The following FLII variants were observed in gnomAD, a reference collection of about 807,000 sequenced individuals.
FLII encodes FLII actin remodeling protein, also known as protein flightless-1 homolog.
In FLII, 101 loss-of-function variants were observed where a neutral mutation model predicts 156.2. The ratio of observed to expected loss-of-function variants is 0.65; its 90% CI spans 0.55 to 0.76. The LOEUF is 0.76. Among genes scored for constraint, FLII ranks in the 30% least tolerant of loss-of-function variants. The pLI is 0.00. For missense variants in FLII, 1,675 were observed against 1,682.8 expected (o/e 1.00, Z 0.08); for synonymous variants, 767 against 685.8 (o/e 1.12, Z -1.85).
chr17:18,252,885 G>A (rs1184154872), intron 9 of FLII, among the ~76,000 whole-genome samples: 1 of 152,240 alleles, frequency 6.6e-6, no homozygotes, highest in Non-Finnish European at 1.5e-5. Flanking sequence ...ACTGGGCCGG[G>A]CGTGGTGGCT....
At position 18,248,592 on chromosome 17, in the gene FLII, G is replaced by C; in HGVS notation, c.2148C>G (p.His716Gln). 1.2e-6 allele frequency: 2 copies of C among 1,613,334 alleles called. No homozygotes were observed. Among genetic ancestry groups the C allele is most frequent in the Non-Finnish European group, 1.7e-6 (2 of 1,179,856 alleles). ...GCGGCGGCCAGAAGTCTTCAGGCAC[G>C]TGCTTCTTGATCTCAGAGGGCTCCC... is the stretch of plus-strand genomic sequence containing the variant. ...LGGEPSEIKK[H>Q]VPEDFWPPQP... Residue 716 changes from histidine to glutamine, a missense_variant, in exon 18 of 30, where the codon CAC becomes CAG. Coordinates refer to ENST00000327031, the MANE Select transcript of FLII (RefSeq NM_002018.4).
chr17:18,245,584 C>T lies in FLII; in HGVS notation c.3580G>A (p.Asp1194Asn). 6.2e-7 allele frequency: 1 copy of T among 1,613,952 alleles called. No homozygotes were observed. The highest frequency in any genetic ancestry group is 8.5e-7 in the Non-Finnish European group (1 of 1,180,024). The change falls in exon 28 of 30, where the codon GAC becomes AAC. Residue 1194 changes from aspartate (D) to asparagine (N), a missense_variant. Around this residue, in one of 2 missense-constraint regions of FLII, gnomAD observed 1,332 missense variants for 1,269.3 expected, o/e 1.05. Coordinates refer to ENST00000327031, the MANE Select transcript of FLII (RefSeq NM_002018.4). ...DFCQDDLADD[D>N]IMLLDNGQEV... ...TGGCCATTGTCTAGCAACATGATGT[C>T]ATCATCTGCCAGGTCATCTTGGCAA...
intron 9 of FLII, 93 bp from the exon 10 acceptor site, chr17:18,252,649 A>G (rs2048305552): frequency 1.0e-6 from 1 of 976,074 alleles, no homozygotes; most frequent in East Asian, 2.4e-5. Flanking sequence ...GGAGGCAGGT[A>G]GGGTCAGAGG....
rs951826406 is a variant in FLII, at chr17:18,246,927, G to A, written c.2802C>T (p.Tyr934=). The change falls in exon 22 of 30, where the codon TAC becomes TAT. Residue 934 remains tyrosine, a synonymous_variant. Transcript: ENST00000327031. The part of the protein sequence containing the change: ...EFGHFYTQDC[Y]VFLCRYWVPV... Reference sequence around the variant, plus strand: ...TGAGGTGGTACCTGCAGAGGAAGACGTAGCAGTCCTGCGTGTAGAAGTGGC... The same window carrying A: ...TGAGGTGGTACCTGCAGAGGAAGACATAGCAGTCCTGCGTGTAGAAGTGGC... 8.7e-6 allele frequency: 14 copies of A among 1,614,058 alleles called. No individual in the cohort carries two copies. Among genetic ancestry groups the A allele is most frequent in the Non-Finnish European group, 1.2e-5 (14 of 1,180,034 alleles).
rs1597929704 is a variant in FLII, at chr17:18,258,608, A to C, written c.63+20T>G. On this transcript the variant is annotated intron_variant, in intron 1 of 29. Transcript: ENST00000327031. The surrounding 1 kb of genome is among the most constrained non-coding windows in gnomAD (Gnocchi z 4.2). Reference sequence around the variant, plus strand: ...GAGAAGGCCTGCAGGGAGGCCCGGCACGCGCCCGGCCCGGCTCACCTTGAA... The same window carrying C: ...GAGAAGGCCTGCAGGGAGGCCCGGCCCGCGCCCGGCCCGGCTCACCTTGAA... 6.5e-7 allele frequency: 1 copy of C among 1,550,138 alleles called. No individual in the cohort carries two copies. The highest frequency in any genetic ancestry group is 1.8e-5 in the Admixed American group (1 of 55,046).
At chr17:18,257,529 T>C (rs1320924557) in intron 1 of FLII, among the ~76,000 whole-genome samples, 1 of 152,166 alleles carries the variant, frequency 6.6e-6, no homozygotes, top group Non-Finnish European at 1.5e-5. Context: ...ACTCCCCTGG[T>C]GTGTGAACGC....
intron 7 of FLII, 65 bp from the exon 8 acceptor site, chr17:18,253,784 A>G: frequency 6.9e-7 from 1 of 1,450,412 alleles, no homozygotes; most frequent in South Asian, 1.3e-5. Context: ...AGCCAGCCCT[A>G]GTGTGAACCC....
chr17:18,245,825 T>G lies in FLII; in HGVS notation c.3422A>C (p.Glu1141Ala). 6.2e-7 allele frequency: 1 copy of G among 1,613,944 alleles called. No individual in the cohort carries two copies. Among genetic ancestry groups the G allele is most frequent in the Non-Finnish European group, 8.5e-7 (1 of 1,179,974 alleles). The change falls in exon 27 of 30, where the codon GAG becomes GCG. Residue 1141 changes from glutamate to alanine, a missense_variant. Physicochemically the swap from Glu to Ala is moderately radical, Grantham distance 107. Transcript: ENST00000327031. ...CCCAATGCCCACCCAGAAGAAGTTC[T>G]CAGGCTCCTCACCTTCGTTGATAAC... Reference protein sequence around the residue: ...KQVINEGEEPENFFWVGIGAQ... With the variant: ...KQVINEGEEPANFFWVGIGAQ...
In FLII at chr17:18,258,525, C is replaced by T; in HGVS notation, c.63+103G>A. 1 of 1,511,248 alleles carries T rather than the reference C, an allele frequency of 6.6e-7. No individual in the cohort carries two copies. The highest frequency in any genetic ancestry group is 8.8e-7 in the Non-Finnish European group (1 of 1,136,536). 93.6% of individuals were successfully genotyped at this position (1,511,248 alleles called of 1,614,324 possible). A position where few individuals can be genotyped will look rare whatever the true frequency, so the allele number is the denominator to read the frequency against. ...CCCGCCCCGGCCGCAGTCCCTGGGA[C>T]ACGCAGGGCCTGGAGCCGAGCGGGA... is the stretch of plus-strand genomic sequence containing the variant. On this transcript the variant is annotated intron_variant, in intron 1 of 29. Transcript: ENST00000327031. The surrounding 1 kb of genome is among the most constrained non-coding windows in gnomAD (Gnocchi z 4.2).
rs571456272 is a variant in FLII, at chr17:18,247,550, A to T, written c.2487+107T>A. 6.3e-5 allele frequency: 72 copies of T among 1,136,708 alleles called. No individual in the cohort carries two copies. The Admixed American group carries it at 1.5e-3, about 23-fold the overall frequency. The allele number at this position is 1,136,708 out of a possible 1,614,324, so 70.4% of individuals were successfully genotyped here. A position where few individuals can be genotyped will look rare whatever the true frequency, so the allele number is the denominator to read the frequency against. On this transcript the variant is annotated intron_variant, in intron 20 of 29. Coordinates refer to ENST00000327031, the MANE Select transcript of FLII (RefSeq NM_002018.4). ...GGCCTGGGCAGAGTCAGCAAAGAGG[A>T]GGTGGGTTTGGGCCCAGCTCTGTAG...
In FLII at chr17:18,245,645, C is replaced by T. The variant is rs544952614; in HGVS notation, c.3519G>A (p.Lys1173=). ...HTRLFRCSNE[K]GYFAVTEKCS... is the part of the protein sequence containing the mutation. Reference sequence around the variant, plus strand: ...ATTTCTCAGTCACTGCAAAGTAGCCCTTCTCGTTGGAGCACCTGGGAATCA... The same window carrying T: ...ATTTCTCAGTCACTGCAAAGTAGCCTTTCTCGTTGGAGCACCTGGGAATCA... Residue 1173 remains lysine, a synonymous_variant, in exon 28 of 30, where the codon AAG becomes AAA. Coordinates refer to ENST00000327031, the MANE Select transcript of FLII (RefSeq NM_002018.4). 6.2e-7 allele frequency: 1 copy of T among 1,613,872 alleles called. No individual in the cohort carries two copies. Among genetic ancestry groups the T allele is most frequent in the Non-Finnish European group, 8.5e-7 (1 of 1,179,998 alleles).
Position 18,253,626 on chromosome 17 carries a change from A to G in FLII, c.773T>C (p.Ile258Thr). Residue 258 changes from isoleucine (I) to threonine (T), a missense_variant, in exon 8 of 30, where the codon ATC becomes ACC. Transcript: ENST00000327031. ...GTCTATGCACAGGGACAGCTCCGTG[A>G]TCTGGTTGCTGCTGAGGTTGAGGCG... ...LRRLNLSSNQ[I>T]TELSLCIDQW... 6.2e-7 allele frequency: 1 copy of G among 1,613,984 alleles called. No individual in the cohort carries two copies. The highest frequency in any genetic ancestry group is 8.5e-7 in the Non-Finnish European group (1 of 1,180,014).
chr17:18,254,625 G>C lies in FLII; in HGVS notation c.471C>G (p.Asp157Glu), dbSNP rs1471611168. 2 of 1,614,024 alleles carry C rather than the reference G, an allele frequency of 1.2e-6. No homozygotes were observed. The highest frequency in any genetic ancestry group is 1.7e-6 in the Non-Finnish European group (2 of 1,179,970). The change falls in exon 6 of 30, where the codon GAC becomes GAG. Residue 157 changes from aspartate to glutamate, a missense_variant. Transcript: ENST00000327031. ...FINLTDLLYL[D>E]LSENRLESLP... The stretch of plus-strand genomic sequence containing the variant: ...GGCTCTCCAGGCGGTTCTCGCTGAG[G>C]TCCAGGTATAGTAGGTCAGTGAGGT...
chr17:18,247,571 T>C, intron 20 of FLII, 86 bp downstream of exon 20: 1 of 1,297,776 alleles, frequency 7.7e-7, no homozygotes, highest in African/African-American at 1.5e-5. Context: ...GGCCCAGCTC[T>C]GTAGGGAGGT....
intron 14 of FLII, among the ~76,000 whole-genome samples, chr17:18,250,288 G>A (rs929744810): frequency 1.3e-5 from 2 of 152,174 alleles, no homozygotes; most frequent in African/African-American, 4.8e-5. Flanking sequence ...GTGGAAACCT[G>A]GGTGAATGTG....
Position 18,246,590 on chromosome 17 carries a change from A to G in FLII, c.3051+4T>C. On this transcript the variant is annotated splice_donor_region_variant and intron_variant, in intron 23 of 29. Transcript: ENST00000327031. ...CCTCGGGCTCGCGGGGCTGCCAGGC[A>G]CACCTCCAGCTTCCCAGGGAAGAGG... is the stretch of plus-strand genomic sequence containing the variant. 1 of 1,613,708 alleles carries G rather than the reference A, an allele frequency of 6.2e-7. No individual in the cohort carries two copies. The highest frequency in any genetic ancestry group is 8.5e-7 in the Non-Finnish European group (1 of 1,179,810).
Position 18,258,422 on chromosome 17 carries a change from C to G in FLII, c.63+206G>C, listed in dbSNP as rs1349775932. 1.4e-6 allele frequency: 2 copies of G among 1,445,540 alleles called. No individual in the cohort carries two copies. The highest frequency in any genetic ancestry group is 1.8e-6 in the Non-Finnish European group (2 of 1,082,784). The allele number at this position is 1,445,540 out of a possible 1,614,324, so 89.5% of individuals were successfully genotyped here. On this transcript the variant is annotated intron_variant, in intron 1 of 29. Coordinates refer to ENST00000327031, the MANE Select transcript of FLII (RefSeq NM_002018.4). The surrounding 1 kb of genome is among the most constrained non-coding windows in gnomAD (Gnocchi z 4.2). ...CCGAGCCCAAGCGTCCGTCCCCGGC[C>G]TGCCCAGCCTCGGTCTCCCCGTACA...
rs746963738 is a variant in FLII at position 18,249,433 on chromosome 17, T to A, written c.1777-25A>T. The A allele has an allele frequency of 7.5e-6, 12 of 1,597,138 alleles. No individual in the cohort carries two copies. In the South Asian group the frequency reaches 1.2e-4, roughly 16 times the overall value. On this transcript the variant is annotated intron_variant, in intron 14 of 29. Coordinates refer to ENST00000327031, the MANE Select transcript of FLII (RefSeq NM_002018.4). ...CCTGTGTGTGTGAGGGTGTGGTTCTTCATCACTGAGCTGCCCCCTCCCCCA... is the reference window on the plus strand; with the variant it reads ...CCTGTGTGTGTGAGGGTGTGGTTCTACATCACTGAGCTGCCCCCTCCCCCA...
Position 18,247,845 on chromosome 17 carries a change from G to A in FLII, c.2299C>T (p.Gln767Ter). 1 of 1,613,962 alleles carries A rather than the reference G, an allele frequency of 6.2e-7. No homozygotes were observed. The highest frequency in any genetic ancestry group is 1.1e-5 in the South Asian group (1 of 91,088). Residue 767 changes from glutamine to a stop codon, truncating the protein, a stop_gained, in exon 20 of 30, where the codon CAG becomes TAG. Coordinates refer to ENST00000327031, the MANE Select transcript of FLII (RefSeq NM_002018.4). LOFTEE classifies it high-confidence loss of function. ...ACGCAGCGCGTGTCCAGCAGACTCT[G>A]CAGCTGCGGACCGGGAGTCTGGAGG... ...VELMPRMRLL[Q>*]SLLDTRCVYI...
Sources: allele counts gnomAD v4.1 joint callset (sites outside exome capture counted in the v4.1 genomes callset), GRCh38; gene constraint gnomAD v4.1.1; regional missense constraint gnomAD v4.1.1; non-coding constraint Gnocchi (gnomAD v3.1); transcripts MANE v1.5; gene names NCBI Gene and HGNC (gene_info 2026-07-23, HGNC 2026-07-21).